Variants in RFX2 observed in about 807,000 individuals in gnomAD.
The protein encoded by RFX2 is regulatory factor X2.
In RFX2, 20 loss-of-function variants were observed where a neutral mutation model predicts 87.8. The ratio of observed to expected loss-of-function variants is 0.23; its 90% CI spans 0.16 to 0.33. The LOEUF is 0.33. Among genes scored for constraint, RFX2 ranks in the 10% least tolerant of loss-of-function variants. The probability of loss-of-function intolerance (pLI) is 1.00; values close to 1 mark genes in which losing one functional copy is unlikely to be tolerated. For synonymous variants in RFX2, 397 were observed against 431.3 expected (o/e 0.92, Z 0.98); for missense variants, 767 against 1,012.3 (o/e 0.76, Z 3.29).
At chr19:6,036,738 A>G (rs1367964704) in intron 5 of RFX2, among the ~76,000 whole-genome samples, 1 of 152,154 alleles carries the variant, frequency 6.6e-6, no homozygotes, top group East Asian at 1.9e-4. Context: ...AACTTCCTCA[A>G]CCTGAAAAAG....
rs1345720288 is a variant in RFX2, at chr19:5,993,413, G to A, written c.*1422C>T. ...CCCCTCACTCTGGCGCAGGCCCAGC[G>A]ATGCTCTGAGCTCCTGCGGGCGGGG... is the stretch of plus-strand genomic sequence containing the variant. On this transcript the variant is annotated 3_prime_UTR_variant, in exon 18 of 18. Transcript: ENST00000303657. 1 of 152,242 alleles carries A rather than the reference G, an allele frequency of 6.6e-6. No homozygotes were observed. Among genetic ancestry groups the A allele is most frequent in the African/African-American group, 2.4e-5 (1 of 41,458 alleles). 9.4% of individuals were successfully genotyped at this position (152,242 alleles called of 1,614,324 possible).
chr19:6,092,319 A>T (rs2087947138), intron 1 of RFX2, among the ~76,000 whole-genome samples: 1 of 152,184 alleles, frequency 6.6e-6, no homozygotes, highest in Non-Finnish European at 1.5e-5. Flanking sequence ...CAAGTCCCTA[A>T]ACCCGGGCCA....
rs542683474 is a variant in RFX2 at position 6,016,080 on chromosome 19, G to A, written c.779+10C>T. The A allele has an allele frequency of 1.1e-5, 18 of 1,583,038 alleles. No homozygotes were observed. The highest frequency in any genetic ancestry group is 9.0e-5 in the Admixed American group (5 of 55,710). On this transcript the variant is annotated intron_variant, in intron 7 of 17. Coordinates refer to ENST00000303657, the MANE Select transcript of RFX2 (RefSeq NM_000635.4). The surrounding 1 kb of genome is among the most constrained non-coding windows in gnomAD (Gnocchi z 5.4). ...AGGAAGAACAGGTGGGCTGGGGATC[G>A]TCTACCCACCTGGTGCCCAGCCGCC...
chr19:6,089,523 G>A (rs2087903792), intron 1 of RFX2, among the ~76,000 whole-genome samples: 1 of 152,188 alleles, frequency 6.6e-6, no homozygotes, highest in Non-Finnish European at 1.5e-5. Flanking sequence ...GGGGCCTTTG[G>A]GAGATGATTA....
At chr19:6,066,663 C>T (rs1159953516) in intron 1 of RFX2, among the ~76,000 whole-genome samples, 2 of 152,150 alleles carry the variant, frequency 1.3e-5, no homozygotes, top group Non-Finnish European at 2.9e-5. Flanking sequence ...AAGCAGATCC[C>T]GAGTGGATCC....
chr19:6,076,496 C>T (rs1376137846), intron 1 of RFX2, among the ~76,000 whole-genome samples: 1 of 152,222 alleles, frequency 6.6e-6, no homozygotes, highest in African/African-American at 2.4e-5. Context: ...CAGTTTCTAG[C>T]TGGGTGACCT....
intron 1 of RFX2, among the ~76,000 whole-genome samples, chr19:6,058,372 A>C (rs2087377014): frequency 1.3e-5 from 2 of 152,206 alleles, no homozygotes; most frequent in African/African-American, 4.8e-5. Flanking sequence ...ACAGCCCCCG[A>C]GTAAAACAGG....
At position 6,010,369 on chromosome 19, in the gene RFX2, C is replaced by T. The variant is rs62107186; in HGVS notation, c.900-118G>A. 2,343 of 668,168 alleles carry T rather than the reference C, an allele frequency of 3.5e-3. 13 individuals are homozygous for T. The highest frequency in any genetic ancestry group is 0.01 in the South Asian group (617 of 59,394). 41.4% of individuals were successfully genotyped at this position (668,168 alleles called of 1,614,324 possible). ...ATGTGTGTGTGATGTTTACAAGTTG[C>T]GGTCAAATACACATAACACAAAAGC... On this transcript the variant is annotated intron_variant, in intron 8 of 17. Coordinates refer to ENST00000303657, the MANE Select transcript of RFX2 (RefSeq NM_000635.4). This position sits in a 1 kb window ranked among gnomAD's most constrained non-coding sequence, Gnocchi z 5.0.
At chr19:6,079,519 G>A (rs2087745885) in intron 1 of RFX2, among the ~76,000 whole-genome samples, 1 of 152,208 alleles carries the variant, frequency 6.6e-6, no homozygotes, top group Admixed American at 6.5e-5. Flanking sequence ...CAGAGGCTAA[G>A]AATGGGGCCA....
At chr19:6,003,597 C>T (rs1007486825) in intron 13 of RFX2, among the ~76,000 whole-genome samples, 14 of 151,508 alleles carry the variant, frequency 9.2e-5, no homozygotes, top group Admixed American at 2.6e-4. Flanking sequence ...GCCAACATGG[C>T]GAAACCCTGT....
chr19:6,005,915 A>G (rs2086573305), intron 12 of RFX2, among the ~76,000 whole-genome samples: 1 of 152,156 alleles, frequency 6.6e-6, no homozygotes, highest in Admixed American at 6.5e-5. Flanking sequence ...GCAACCCCAC[A>G]TGGCCCTGGG....
intron 1 of RFX2, among the ~76,000 whole-genome samples, chr19:6,070,783 C>T (rs909221225): frequency 6.6e-6 from 1 of 152,204 alleles, no homozygotes; most frequent in Non-Finnish European, 1.5e-5. Flanking sequence ...CTCACTGCAG[C>T]CTCAAACTCC....
chr19:6,086,305 G>A (rs1011260884), intron 1 of RFX2, among the ~76,000 whole-genome samples: 26 of 152,190 alleles, frequency 1.7e-4, no homozygotes, highest in East Asian at 7.7e-4. Context: ...ATCATTGTGC[G>A]AATATCACAG....
Position 6,083,596 on chromosome 19 carries a change from C to T in RFX2, c.-9+26797G>A, listed in dbSNP as rs2087815733. Among the ~76,000 whole-genome samples, 2 of 149,960 alleles carry T rather than the reference C, an allele frequency of 1.3e-5. No individual in the cohort carries two copies. The highest frequency in any genetic ancestry group is 2.1e-4 in the South Asian group (1 of 4,748). On this transcript the variant is annotated intron_variant, in intron 1 of 17. Coordinates refer to ENST00000303657, the MANE Select transcript of RFX2 (RefSeq NM_000635.4). The surrounding 1 kb of genome is among the most constrained non-coding windows in gnomAD (Gnocchi z 4.6). ...TTCATTTATTTATTTATTCTGAGGC[C>T]GGGTCTTGCTCTGTCATCCAGGCTG...
intron 5 of RFX2, among the ~76,000 whole-genome samples, chr19:6,028,514 C>T (rs528699609): frequency 1.7e-4 from 26 of 152,304 alleles, no homozygotes; most frequent in Admixed American, 2.6e-4. Context: ...ACCATATCAA[C>T]GAGCTTTTCA....
chr19:6,072,018 G>C (rs1341755716), intron 1 of RFX2: 1 of 152,172 alleles, frequency 6.6e-6, no homozygotes, highest in Non-Finnish European at 1.5e-5. Flanking sequence ...GTCCAGGAGG[G>C]GCGAGAACAA....
At chr19:6,046,733 C>A (rs2087196880) in intron 2 of RFX2, among the ~76,000 whole-genome samples, 1 of 150,020 alleles carries the variant, frequency 6.7e-6, no homozygotes, top group African/African-American at 2.5e-5. Flanking sequence ...GTAGCTGGGA[C>A]CACAGGACGT....
chr19:6,058,590 C>G (rs2087381961), intron 1 of RFX2, among the ~76,000 whole-genome samples: 1 of 149,672 alleles, frequency 6.7e-6, no homozygotes, highest in African/African-American at 2.5e-5. Flanking sequence ...CGTCATTCCT[C>G]ACTTTTGGGT....
At chr19:6,042,210 C>A (rs2087120433) in intron 3 of RFX2, 87 bp from the exon 4 acceptor site, 2 of 1,149,380 alleles carry the variant, frequency 1.7e-6, no homozygotes, top group South Asian at 1.2e-5. Context: ...TCTTCTATTG[C>A]CTTTATGAAC....
Sources: allele counts gnomAD v4.1 joint callset (sites outside exome capture counted in the v4.1 genomes callset), GRCh38; gene constraint gnomAD v4.1.1; non-coding constraint Gnocchi (gnomAD v3.1); transcripts MANE v1.5; gene names NCBI Gene and HGNC (gene_info 2026-07-23, HGNC 2026-07-21).